The following ADAM10 variants were observed in gnomAD, a reference collection of about 807,000 sequenced individuals.
ADAM10 encodes the protein disintegrin and metalloproteinase domain-containing protein 10.
ADAM10 carries 17 observed loss-of-function variants against 90.1 expected under a neutral mutation model. The ratio of observed to expected loss-of-function variants is 0.19; its 90% CI spans 0.13 to 0.28. The LOEUF (loss-of-function observed/expected upper bound fraction) is 0.28, where lower values mean the gene tolerates loss of function less well. Ranked by LOEUF, ADAM10 falls within the 10% of genes least tolerant of loss-of-function variation. The pLI is 1.00. For synonymous variants in ADAM10, 310 were observed against 298.6 expected, an observed-to-expected ratio of 1.04 and a Z score of -0.40; for missense variants, 610 against 914.3, an observed-to-expected ratio of 0.67 and a Z score of 4.29.
intron 11 of ADAM10, among the ~76,000 whole-genome samples, chr15:58,612,534 G>A (rs1239237898): frequency 1.3e-5 from 2 of 152,154 alleles, no homozygotes; most frequent in African/African-American, 4.8e-5. Flanking sequence ...AATGACAGCT[G>A]TGCTTGAACA....
At chr15:58,661,227 T>C (rs1364214065) in intron 5 of ADAM10, among the ~76,000 whole-genome samples, 1 of 152,234 alleles carries the variant, frequency 6.6e-6, no homozygotes, top group African/African-American at 2.4e-5. Context: ...TGCTTAATAT[T>C]TATCTATATA....
intron 5 of ADAM10, among the ~76,000 whole-genome samples, chr15:58,664,887 A>C (rs1222316143): frequency 1.3e-5 from 2 of 152,224 alleles, no homozygotes; most frequent in African/African-American, 4.8e-5. Flanking sequence ...TTAGACTTGT[A>C]ATGTCTTTTG....
rs563373633 is a variant in ADAM10 at position 58,640,216 on chromosome 15, A to G, written c.1012+561T>C. Among the ~76,000 whole-genome samples the G allele has an allele frequency of 1.2e-3, 190 of 152,352 alleles. 1 individual carries two copies. Among genetic ancestry groups the G allele is most frequent in the African/African-American group, 4.4e-3 (185 of 41,586 alleles). ...AGTATGAACCCAGGTGATGATGTCA[A>G]TGGAGTTGTGGGTACCAGGGGCTTC... On this transcript the variant is annotated intron_variant, in intron 8 of 15. Coordinates refer to ENST00000260408, the MANE Select transcript of ADAM10 (RefSeq NM_001110.4).
intron 2 of ADAM10, among the ~76,000 whole-genome samples, chr15:58,714,557 A>G (rs1898592099): frequency 6.6e-6 from 1 of 152,192 alleles, no homozygotes; most frequent in Non-Finnish European, 1.5e-5. Context: ...AATTCTAGCC[A>G]CAATGTATAA....
At chr15:58,720,188 CACAA>C (rs1898797384) in intron 1 of ADAM10, among the ~76,000 whole-genome samples, 2 of 152,196 alleles carry the variant, frequency 1.3e-5, no homozygotes, top group South Asian at 4.2e-4. Context: ...TGCTTACGAG[CACAA>C]AGAGCGGCAT....
intron 11 of ADAM10, among the ~76,000 whole-genome samples, chr15:58,617,423 A>G (rs1895649184): frequency 6.6e-6 from 1 of 152,194 alleles, no homozygotes; most frequent in Non-Finnish European, 1.5e-5. Flanking sequence ...ACAAGATTGA[A>G]TCAGTAATTA....
intron 1 of ADAM10, among the ~76,000 whole-genome samples, chr15:58,724,062 C>T (rs1898950861): frequency 6.6e-6 from 1 of 151,728 alleles, no homozygotes; most frequent in Non-Finnish European, 1.5e-5. Flanking sequence ...GAAACCCTGT[C>T]TCCACTCGGG....
At chr15:58,673,338 G>A (rs1181525214) in intron 4 of ADAM10, among the ~76,000 whole-genome samples, 2 of 147,530 alleles carry the variant, frequency 1.4e-5, no homozygotes, top group Non-Finnish European at 3.0e-5. Flanking sequence ...CTCTGATGCA[G>A]CTTATACAAA....
Position 58,633,135 on chromosome 15 carries a change from C to T in ADAM10, c.1176+61G>A, listed in dbSNP as rs1367675643. 3 of 1,461,836 alleles carry T rather than the reference C, an allele frequency of 2.1e-6. No homozygotes were observed. In the Admixed American group the frequency reaches 5.2e-5, roughly 25 times the overall value. The allele number at this position is 1,461,836 out of a possible 1,614,324, so 90.6% of individuals were successfully genotyped here. On this transcript the variant is annotated intron_variant, in intron 9 of 15. Transcript: ENST00000260408. ...TTTTCACGGTGAATTTTAAATAAAT[C>T]ACTCAACATAAAAATTAGACTAATA...
Position 58,665,213 on chromosome 15 carries a change from G to C in ADAM10, c.485-16C>G, listed in dbSNP as rs1288679797. 1 of 1,544,316 alleles carries C rather than the reference G, an allele frequency of 6.5e-7. No individual in the cohort carries two copies. The highest frequency in any genetic ancestry group is 9.0e-7 in the Non-Finnish European group (1 of 1,116,814). On this transcript the variant is annotated splice_polypyrimidine_tract_variant and intron_variant, in intron 4 of 15. Coordinates refer to ENST00000260408, the MANE Select transcript of ADAM10 (RefSeq NM_001110.4). ...TGGGGATAGTCTAAAATACAAAGAA[G>C]AAACGTCATTACTATCACACATTTA...
At chr15:58,696,518 T>G (rs1897985136) in intron 2 of ADAM10, among the ~76,000 whole-genome samples, 1 of 149,874 alleles carries the variant, frequency 6.7e-6, no homozygotes, top group Non-Finnish European at 1.5e-5. Flanking sequence ...CAGACTAGAG[T>G]GCAATGCAGC....
At chr15:58,689,145 CAA>C (rs1307747927) in intron 2 of ADAM10, among the ~76,000 whole-genome samples, 1 of 152,112 alleles carries the variant, frequency 6.6e-6, no homozygotes, top group East Asian at 1.9e-4. Flanking sequence ...TAAAATCCAT[CAA>C]AGAGACTGAT....
intron 1 of ADAM10, among the ~76,000 whole-genome samples, chr15:58,727,488 G>A (rs1899078393): frequency 6.6e-6 from 1 of 152,074 alleles, no homozygotes. Flanking sequence ...ACCGCGCCCA[G>A]CCTGGCTAAT....
intron 12 of ADAM10, 79 bp downstream of exon 12, chr15:58,611,729 G>A: frequency 7.4e-7 from 1 of 1,350,664 alleles, no homozygotes; most frequent in Non-Finnish European, 1.0e-6. Context: ...CTTTAACTAT[G>A]TAGCTTTAAG....
chr15:58,637,690 C>CTG (rs200725964), intron 8 of ADAM10, among the ~76,000 whole-genome samples: 23 of 151,232 alleles, frequency 1.5e-4, no homozygotes, highest in South Asian at 8.4e-4. Flanking sequence ...TAAGATGTTA[C>CTG]TGTGTGTGTG....
At position 58,735,290 on chromosome 15, in the gene ADAM10, C is replaced by T. The variant is rs1899393178; in HGVS notation, c.55+14190G>A. Among the ~76,000 whole-genome samples, 4 of 152,178 alleles carry T rather than the reference C, an allele frequency of 2.6e-5. No individual in the cohort carries two copies. The South Asian group carries it at 8.3e-4, about 31-fold the overall frequency. Reference sequence around the variant, plus strand: ...TACTACTTGCTAGACTCTCCCAGTCCAGGTTCTTTCATCACTATTAGATAT... The same window carrying T: ...TACTACTTGCTAGACTCTCCCAGTCTAGGTTCTTTCATCACTATTAGATAT... On this transcript the variant is annotated intron_variant, in intron 1 of 15. Coordinates refer to ENST00000260408, the MANE Select transcript of ADAM10 (RefSeq NM_001110.4).
At chr15:58,689,245 G>A (rs949445062) in intron 2 of ADAM10, among the ~76,000 whole-genome samples, 1 of 152,146 alleles carries the variant, frequency 6.6e-6, no homozygotes, top group East Asian at 1.9e-4. Context: ...TAGCACTTTG[G>A]GAGGCCAAGG....
At chr15:58,721,587 T>C (rs1485995436) in intron 1 of ADAM10, among the ~76,000 whole-genome samples, 1 of 152,070 alleles carries the variant, frequency 6.6e-6, no homozygotes, top group Non-Finnish European at 1.5e-5. Context: ...AGAACAAACT[T>C]CAAGAACTGA....
intron 1 of ADAM10, among the ~76,000 whole-genome samples, chr15:58,743,612 T>G (rs1899684670): frequency 2.0e-5 from 3 of 152,116 alleles, no homozygotes. Context: ...AAATACTTTT[T>G]TTTTTTTTTG....
Sources: gnomAD v4.1 joint callset for allele counts (sites outside exome capture counted in the v4.1 genomes callset) on GRCh38, gnomAD v4.1.1 for gene constraint, MANE v1.5 for transcripts, NCBI Gene and HGNC (gene_info 2026-07-23, HGNC 2026-07-21) for gene names.